The following PHKG1 variants were observed in gnomAD, a reference collection of about 807,000 sequenced individuals.
PHKG1 encodes the protein phosphorylase b kinase gamma catalytic chain, skeletal muscle/heart isoform.
A neutral mutation model predicts 50.5 loss-of-function variants in PHKG1; 48 were observed. The ratio of observed to expected loss-of-function variants is 0.95; its 90% CI spans 0.75 to 1.21. The LOEUF (loss-of-function observed/expected upper bound fraction) is 1.21, where lower values mean the gene tolerates loss of function less well. Among genes scored for constraint, PHKG1 ranks in the 50% most tolerant of loss-of-function variants. The probability of loss-of-function intolerance (pLI) is 0.00; values close to 1 mark genes in which losing one functional copy is unlikely to be tolerated. For missense variants in PHKG1, 487 were observed against 519.5 expected, an observed-to-expected ratio of 0.94 and a Z score of 0.61; for synonymous variants, 204 against 212.8, an observed-to-expected ratio of 0.96 and a Z score of 0.36.
chr7:56,082,388 T>G (rs1796047020), intron 6 of PHKG1, 135 bp from the exon 7 acceptor site: 2 of 626,430 alleles, frequency 3.2e-6, no homozygotes, highest in Non-Finnish European at 5.6e-6. Flanking sequence ...AGGCCAGGAG[T>G]TCGAGACCAG....
In PHKG1 at chr7:56,081,456, CAG is replaced by C. The variant is rs1238110574; in HGVS notation, c.919-159_919-158del. Among the ~76,000 whole-genome samples, 1 of 152,176 alleles carries C rather than the reference CAG, an allele frequency of 6.6e-6. No homozygotes were observed. Among genetic ancestry groups the C allele is most frequent in the East Asian group, 1.9e-4 (1 of 5,172 alleles). Reference sequence around the variant, plus strand: ...CCACTTCCCACTTGGCCAGCATCCTCAGGGACCGAGCCAGTGGGCTGACACCT... The same window carrying C: ...CCACTTCCCACTTGGCCAGCATCCTCGGACCGAGCCAGTGGGCTGACACCT... On this transcript the variant is annotated intron_variant, in intron 9 of 9. Coordinates refer to ENST00000297373, the MANE Select transcript of PHKG1 (RefSeq NM_006213.5). The surrounding 1 kb of genome is among the most constrained non-coding windows in gnomAD (Gnocchi z 4.6).
intron 4 of PHKG1, 43 bp from the exon 5 acceptor site, chr7:56,083,758 A>G: frequency 7.5e-7 from 1 of 1,336,106 alleles, no homozygotes; most frequent in Non-Finnish European, 1.1e-6. Context: ...TCCCAAGACC[A>G]CCACTGCCCT....
Position 56,087,722 on chromosome 7 carries a change from G to A in PHKG1, c.138C>T (p.Tyr46=), listed in dbSNP as rs551786753. The A allele has an allele frequency of 1.5e-5, 25 of 1,613,756 alleles. 1 individual carries two copies. Among genetic ancestry groups the A allele is most frequent in the South Asian group, 9.9e-5 (9 of 91,078 alleles). ...CGGTGACGTCGATGACCTTCACGGC[G>A]TACTCCTGGCTCGTGGGCTTGTGGA... The part of the protein sequence containing the change: ...RCIHKPTSQE[Y]AVKVIDVTGG... Residue 46 remains tyrosine (Y), a synonymous_variant, in exon 3 of 10, where the codon TAC becomes TAT. Coordinates refer to ENST00000297373, the MANE Select transcript of PHKG1 (RefSeq NM_006213.5).
intron 6 of PHKG1, 72 bp from the exon 7 acceptor site, chr7:56,082,325 G>GC: frequency 8.3e-7 from 1 of 1,205,010 alleles, no homozygotes; most frequent in East Asian, 2.3e-5. Flanking sequence ...GGCCGCAGTG[G>GC]CTCATTTCTA....
In PHKG1 at chr7:56,081,371, G is replaced by T. The variant is rs572453738; in HGVS notation, c.919-72C>A. On this transcript the variant is annotated intron_variant, in intron 9 of 9. Transcript: ENST00000297373. This position sits in a 1 kb window ranked among gnomAD's most constrained non-coding sequence, Gnocchi z 4.6. ...GGCCCTGCCCCTCCAGCACAGGGAC[G>T]CTCTGGGCTCGTTTGCCACGAAGCC... 1.2e-4 allele frequency: 185 copies of T among 1,511,534 alleles called. No homozygotes were observed. In the African/African-American group the frequency reaches 1.5e-3, roughly 12 times the overall value. The allele number at this position is 1,511,534 out of a possible 1,614,324, so 93.6% of individuals were successfully genotyped here. A position where few individuals can be genotyped will look rare whatever the true frequency, so the allele number is the denominator to read the frequency against.
intron 1 of PHKG1, among the ~76,000 whole-genome samples, chr7:56,092,096 A>C (rs1796512045): frequency 6.6e-6 from 1 of 152,216 alleles, no homozygotes; most frequent in South Asian, 2.1e-4. Context: ...AGTCCTTGGC[A>C]CAGCCAGCTT....
intron 1 of PHKG1, among the ~76,000 whole-genome samples, chr7:56,091,776 C>T (rs1462853013): frequency 6.6e-5 from 10 of 152,334 alleles, no homozygotes; most frequent in African/African-American, 2.4e-4. Flanking sequence ...GGTGGCCCCA[C>T]TACTGGGTGC....
chr7:56,086,144 G>A (rs915653565), intron 4 of PHKG1, among the ~76,000 whole-genome samples: 9 of 151,390 alleles, frequency 5.9e-5, no homozygotes, highest in South Asian at 2.1e-4. Flanking sequence ...CTGACCACTC[G>A]GTCTAAGGAA....
At chr7:56,087,510 G>C in intron 3 of PHKG1, 88 bp downstream of exon 3, 7 of 1,326,080 alleles carry the variant, frequency 5.3e-6, no homozygotes, top group Non-Finnish European at 7.4e-6. Flanking sequence ...CTAGTTGGCT[G>C]TGCGGTGGGG....
chr7:56,088,572 A>T, intron 2 of PHKG1: 1 of 288,790 alleles, frequency 3.5e-6, no homozygotes, highest in Non-Finnish European at 6.4e-6. Context: ...GCCCAGGCTG[A>T]TCTTGAACTC....
intron 4 of PHKG1, chr7:56,084,380 T>G (rs1309215780): frequency 3.5e-6 from 2 of 569,176 alleles, no homozygotes; most frequent in Non-Finnish European, 6.2e-6. Flanking sequence ...ATTTTTTTTT[T>G]TTTTTTTTTT....
intron 4 of PHKG1, chr7:56,084,368 CG>C: frequency 1.9e-6 from 1 of 525,322 alleles, no homozygotes; most frequent in South Asian, 2.6e-5. Flanking sequence ...GTGAGTATCC[CG>C]ATTTTTTTTT....
intron 6 of PHKG1, 50 bp downstream of exon 6, chr7:56,083,224 ATGGT>A (rs1205721220): frequency 1.3e-6 from 2 of 1,544,456 alleles, no homozygotes; most frequent in Non-Finnish European, 1.8e-6. Flanking sequence ...TATTCTGCAG[ATGGT>A]TGATTGAGCA....
At chr7:56,085,746 C>T (rs900537737) in intron 4 of PHKG1, among the ~76,000 whole-genome samples, 3 of 152,040 alleles carry the variant, frequency 2.0e-5, no homozygotes, top group Non-Finnish European at 4.4e-5. Flanking sequence ...GAGTGGATCA[C>T]TTGAGGTCAG....
At position 56,087,194 on chromosome 7, in the gene PHKG1, TTTATTATTATTA is replaced by T. The variant is rs56665611; in HGVS notation, c.263-182_263-171del. 5.2e-3 allele frequency among the ~76,000 whole-genome samples: 703 copies of T among 136,072 alleles called. 9 individuals carry two copies. Among genetic ancestry groups the T allele is most frequent in the South Asian group, 0.042 (170 of 4,036 alleles). The allele number at this position is 136,072 out of a possible 152,430, so 89.3% of individuals were successfully genotyped here. ...CTGGGATGTGGGCAGGCCCAGGGAC[TTTATTATTATTA>T]TTATTATTATTATTATTATTATTAT... On this transcript the variant is annotated intron_variant, in intron 3 of 9. Coordinates refer to ENST00000297373, the MANE Select transcript of PHKG1 (RefSeq NM_006213.5).
chr7:56,084,194 C>T, intron 4 of PHKG1: 1 of 1,534,968 alleles, frequency 6.5e-7, no homozygotes, highest in Non-Finnish European at 8.7e-7. Flanking sequence ...GGGAGAGTCC[C>T]AGCCCAAGCA....
chr7:56,088,350 C>CT (rs34792572), intron 2 of PHKG1, among the ~76,000 whole-genome samples: 3 of 149,702 alleles, frequency 2.0e-5, no homozygotes, highest in African/African-American at 4.9e-5. Context: ...CTGGCCCCCC[C>CT]TTTTTAAAAA....
intron 2 of PHKG1, 26 bp downstream of exon 2, chr7:56,088,833 C>T: frequency 6.4e-7 from 1 of 1,564,460 alleles, no homozygotes; most frequent in Non-Finnish European, 8.8e-7. Context: ...TAGGACAGCA[C>T]TTCGTGGGGA....
chr7:56,081,312 G>A lies in PHKG1; in HGVS notation c.919-13C>T. ...TCAGAGCGATCACCTGCAGGGCCAGGCGGAGAAGCTGGGCTGCAGCCCCCG... is the reference window on the plus strand; with the variant it reads ...TCAGAGCGATCACCTGCAGGGCCAGACGGAGAAGCTGGGCTGCAGCCCCCG... On this transcript the variant is annotated splice_polypyrimidine_tract_variant and intron_variant, in intron 9 of 9. Coordinates refer to ENST00000297373, the MANE Select transcript of PHKG1 (RefSeq NM_006213.5). The surrounding 1 kb of genome is among the most constrained non-coding windows in gnomAD (Gnocchi z 4.6). The A allele has an allele frequency of 1.3e-6, 2 of 1,599,336 alleles. No homozygotes were observed. The highest frequency in any genetic ancestry group is 1.7e-6 in the Non-Finnish European group (2 of 1,177,090).
Sources: gnomAD v4.1 joint callset for allele counts (sites outside exome capture counted in the v4.1 genomes callset) on GRCh38, gnomAD v4.1.1 for gene constraint, Gnocchi (gnomAD v3.1) non-coding constraint, MANE v1.5 for transcripts, NCBI Gene and HGNC (gene_info 2026-07-23, HGNC 2026-07-21) for gene names.